MICOS10: variants seen among roughly 807,000 people sequenced by gnomAD.
MICOS10 encodes MICOS complex subunit MIC10.
Under a neutral mutation model 13.4 loss-of-function variants are expected in MICOS10, and 5 were observed. The ratio of observed to expected loss-of-function variants is 0.37; its 90% CI spans 0.20 to 0.78. The LOEUF (loss-of-function observed/expected upper bound fraction) is 0.78, where lower values mean the gene tolerates loss of function less well. Among genes scored for constraint, MICOS10 ranks in the 30% least tolerant of loss-of-function variants. The probability of loss-of-function intolerance (pLI) is 0.47; values close to 1 mark genes in which losing one functional copy is unlikely to be tolerated. For missense variants in MICOS10, 101 were observed against 94.6 expected (o/e 1.07, Z -0.28); for synonymous variants, 35 against 33.6 (o/e 1.04, Z -0.15).
At chr1:19,604,255 C>T (rs1216846643) in intron 1 of MICOS10, among the ~76,000 whole-genome samples, 3 of 152,162 alleles carry the variant, frequency 2.0e-5, no homozygotes, top group Middle Eastern at 3.4e-3. Flanking sequence ...GCCTATAGTC[C>T]CAACACTTTG....
In MICOS10 at chr1:19,629,725, A is replaced by G. The variant is rs1036702610; in HGVS notation, c.*3324A>G. 27 of 152,224 alleles carry G rather than the reference A, an allele frequency of 1.8e-4. No individual in the cohort carries two copies. The highest frequency in any genetic ancestry group is 6.0e-4 in the African/African-American group (25 of 41,456). 9.4% of individuals were successfully genotyped at this position (152,224 alleles called of 1,614,324 possible). On this transcript the variant is annotated 3_prime_UTR_variant, in exon 4 of 4. Transcript: ENST00000322753. Reference sequence around the variant, plus strand: ...CATTTTTTAAAAATGTAACCAACCCATAATTGCATTTTACTTGTCGTGGTT... The same window carrying G: ...CATTTTTTAAAAATGTAACCAACCCGTAATTGCATTTTACTTGTCGTGGTT...
chr1:19,608,322 C>T (rs1364700212), intron 1 of MICOS10: 24 of 1,316,688 alleles, frequency 1.8e-5, no homozygotes, highest in Admixed American at 3.4e-5. Flanking sequence ...GATGAATCCT[C>T]GCCATATGCT....
chr1:19,597,116 G>C lies in MICOS10; in HGVS notation c.64+7G>C, dbSNP rs765498030. The C allele has an allele frequency of 1.2e-6, 2 of 1,600,252 alleles. No individual in the cohort carries two copies. The highest frequency in any genetic ancestry group is 1.7e-6 in the Non-Finnish European group (2 of 1,174,140). ...GATGCGGTCGTGAAGATAGGTAAGGGGCTTTTCGCCCCAGCAGGCCCGGCC... is the reference window on the plus strand; with the variant it reads ...GATGCGGTCGTGAAGATAGGTAAGGCGCTTTTCGCCCCAGCAGGCCCGGCC... On this transcript the variant is annotated splice_region_variant and intron_variant, in intron 1 of 3. Transcript: ENST00000322753.
intron 1 of MICOS10, among the ~76,000 whole-genome samples, chr1:19,614,168 C>T (rs979447080): frequency 1.3e-5 from 2 of 151,990 alleles, no homozygotes; most frequent in South Asian, 2.1e-4. Flanking sequence ...CTCCGCCTCC[C>T]GGGTTCAAGA....
At chr1:19,597,148 G>C (rs745549873) in intron 1 of MICOS10, 39 bp downstream of exon 1, 1 of 1,583,288 alleles carries the variant, frequency 6.3e-7, no homozygotes, top group Non-Finnish European at 8.6e-7. Context: ...GGCCGGTGCA[G>C]AGCTGCTGGC....
intron 1 of MICOS10, chr1:19,608,107 T>G (rs1246245518): frequency 2.0e-6 from 2 of 988,024 alleles, no homozygotes; most frequent in Non-Finnish European, 1.6e-6. Flanking sequence ...GGAGACGACG[T>G]GCAGAAATGG....
At chr1:19,601,123 T>A in intron 1 of MICOS10, 1 of 748,242 alleles carries the variant, frequency 1.3e-6, no homozygotes, top group Non-Finnish European at 2.0e-6. Flanking sequence ...ATAGCTTTCT[T>A]AAGCCTGTAC....
chr1:19,610,519 C>T (rs945971314), intron 1 of MICOS10, among the ~76,000 whole-genome samples: 3 of 151,482 alleles, frequency 2.0e-5, no homozygotes, highest in East Asian at 1.9e-4. Context: ...GCTGGGATTA[C>T]AGGCTCGTAC....
intron 1 of MICOS10, among the ~76,000 whole-genome samples, chr1:19,612,726 G>C (rs1481672179): frequency 6.6e-6 from 1 of 152,118 alleles, no homozygotes; most frequent in East Asian, 1.9e-4. Flanking sequence ...GTACTATCAT[G>C]TCAGCTGGGT....
At chr1:19,610,575 A>G (rs1265872090) in intron 1 of MICOS10, among the ~76,000 whole-genome samples, 1 of 151,514 alleles carries the variant, frequency 6.6e-6, no homozygotes, top group Non-Finnish European at 1.5e-5. Flanking sequence ...CTGAGAGACA[A>G]GGTATATTTG....
rs199791836 is a variant in MICOS10, at chr1:19,597,035, G to A, written c.-11G>A. ...CGGCCGAGAGGAAAGCTGGAGGCGC[G>A]GGTGGGGAACATGTCTGAGTCGGAG... On this transcript the variant is annotated 5_prime_UTR_variant, in exon 1 of 4. Transcript: ENST00000322753. 1 of 1,580,846 alleles carries A rather than the reference G, an allele frequency of 6.3e-7. No individual in the cohort carries two copies. Among genetic ancestry groups the A allele is most frequent in the Admixed American group, 1.9e-5 (1 of 52,798 alleles).
intron 1 of MICOS10, among the ~76,000 whole-genome samples, chr1:19,618,097 A>G (rs1259879665): frequency 1.3e-5 from 2 of 150,960 alleles, no homozygotes; most frequent in African/African-American, 4.9e-5. Context: ...ATAAAGGATT[A>G]GCTATTATAC....
chr1:19,621,335 T>A (rs1466607162), intron 1 of MICOS10, among the ~76,000 whole-genome samples: 2 of 152,216 alleles, frequency 1.3e-5, no homozygotes, highest in East Asian at 3.8e-4. Context: ...CCAGGTTGTC[T>A]AGCATTCTGA....
intron 1 of MICOS10, chr1:19,608,035 C>T (rs897622401): frequency 4.2e-6 from 3 of 709,878 alleles, no homozygotes; most frequent in East Asian, 5.0e-5. Context: ...TTAAAAGGGT[C>T]GTAGACCTAA....
At chr1:19,624,137 C>G (rs998705356) in intron 3 of MICOS10, among the ~76,000 whole-genome samples, 1 of 151,832 alleles carries the variant, frequency 6.6e-6, no homozygotes, top group Non-Finnish European at 1.5e-5. Context: ...CCTGCCACCA[C>G]GCCTGGCTGA....
chr1:19,625,485 G>A (rs889499897), intron 3 of MICOS10: 3 of 1,289,330 alleles, frequency 2.3e-6, no homozygotes, highest in African/African-American at 3.0e-5. Context: ...CAAGAGTGAG[G>A]TCATCACAGG....
chr1:19,606,985 T>C (rs1481276907), intron 1 of MICOS10, among the ~76,000 whole-genome samples: 1 of 152,258 alleles, frequency 6.6e-6, no homozygotes, highest in African/African-American at 2.4e-5. Flanking sequence ...AGATGTGGGT[T>C]ACCACAAAGC....
intron 1 of MICOS10, among the ~76,000 whole-genome samples, chr1:19,619,853 G>C (rs2094896988): frequency 6.6e-6 from 1 of 152,194 alleles, no homozygotes; most frequent in African/African-American, 2.4e-5. Context: ...TGTGCCTAAT[G>C]TTAATTCCAT....
rs576347209 is a variant in MICOS10, at chr1:19,626,843, C to G, written c.*442C>G. On this transcript the variant is annotated 3_prime_UTR_variant, in exon 4 of 4. Transcript: ENST00000322753. The stretch of plus-strand genomic sequence containing the variant: ...AAGTTGAAGATTGCTGCTGCGTGGC[C>G]TGATGGAGATGACTGATGTCTTAAG... 1.1e-5 allele frequency: 2 copies of G among 185,316 alleles called. No homozygotes were observed. The highest frequency in any genetic ancestry group is 4.6e-5 in the African/African-American group (2 of 43,174). 11.5% of individuals were successfully genotyped at this position (185,316 alleles called of 1,614,324 possible). A position where few individuals can be genotyped will look rare whatever the true frequency, so the allele number is the denominator to read the frequency against.
Sources: gnomAD v4.1 joint callset for allele counts (sites outside exome capture counted in the v4.1 genomes callset) on GRCh38, gnomAD v4.1.1 for gene constraint, MANE v1.5 for transcripts, NCBI Gene and HGNC (gene_info 2026-07-23, HGNC 2026-07-21) for gene names.